ARSJ: variants seen among roughly 807,000 people sequenced by gnomAD.
The protein encoded by ARSJ is arylsulfatase family member J.
ARSJ carries 26 observed loss-of-function variants against 35.9 expected under a neutral mutation model. The ratio of observed to expected loss-of-function variants is 0.72; its 90% CI spans 0.53 to 1.00. The LOEUF is 1.00. Among genes scored for constraint, ARSJ ranks in the 50% least tolerant of loss-of-function variants. The probability of loss-of-function intolerance (pLI) is 0.00; values close to 1 mark genes in which losing one functional copy is unlikely to be tolerated. For synonymous variants in ARSJ, 294 were observed against 267.6 expected (o/e 1.10, Z -0.96); for missense variants, 667 against 723.6 (o/e 0.92, Z 0.90).
chr4:113,918,046 GT>G (rs1723430046), intron 1 of ARSJ, among the ~76,000 whole-genome samples: 1 of 152,154 alleles, frequency 6.6e-6, no homozygotes, highest in Admixed American at 6.5e-5. Flanking sequence ...CAACCTATTG[GT>G]TATTGTCTGC....
intron 1 of ARSJ, among the ~76,000 whole-genome samples, chr4:113,966,138 T>G (rs1048020813): frequency 1.4e-4 from 22 of 152,028 alleles, no homozygotes; most frequent in Non-Finnish European, 2.8e-4. Context: ...TGAATTAATA[T>G]TAAAATACAG....
intron 1 of ARSJ, among the ~76,000 whole-genome samples, chr4:113,935,864 T>G (rs1724735415): frequency 6.6e-6 from 1 of 151,952 alleles, no homozygotes; most frequent in Non-Finnish European, 1.5e-5. Context: ...ATGTACAACT[T>G]CCATTAGGTA....
chr4:113,962,505 A>G (rs1258952457), intron 1 of ARSJ, among the ~76,000 whole-genome samples: 1 of 140,550 alleles, frequency 7.1e-6, no homozygotes, highest in Non-Finnish European at 1.5e-5. Context: ...TTTTTCTAAT[A>G]GTTGAATGAA....
intron 1 of ARSJ, among the ~76,000 whole-genome samples, chr4:113,922,948 T>C (rs1468784884): frequency 6.6e-6 from 1 of 152,188 alleles, no homozygotes; most frequent in Non-Finnish European, 1.5e-5. Flanking sequence ...ATCATTTAAG[T>C]CGGTTGACTT....
chr4:113,906,628 T>G, intron 1 of ARSJ: 1 of 366,240 alleles, frequency 2.7e-6, no homozygotes, highest in Non-Finnish European at 5.4e-6. Context: ...TAATTTGGGG[T>G]GTGGGTTAAG....
In ARSJ at chr4:113,901,420, T is replaced by G. The variant is rs1356868646; in HGVS notation, c.*854A>C. On this transcript the variant is annotated 3_prime_UTR_variant, in exon 2 of 2. Transcript: ENST00000315366. ...ACATTAATTTATAGTATTACAGTGC[T>G]TGGTAATTTGAAGAAATGAAATAAA... 2 of 152,308 alleles carry G rather than the reference T, an allele frequency of 1.3e-5. No individual in the cohort carries two copies. The highest frequency in any genetic ancestry group is 3.9e-4 in the East Asian group (2 of 5,194). The allele number at this position is 152,308 out of a possible 1,614,324, so 9.4% of individuals were successfully genotyped here.
intron 1 of ARSJ, among the ~76,000 whole-genome samples, chr4:113,927,756 C>T (rs1724165258): frequency 6.6e-6 from 1 of 152,206 alleles, no homozygotes; most frequent in Non-Finnish European, 1.5e-5. Flanking sequence ...CATCTGTCTT[C>T]TGCACAGGCC....
intron 1 of ARSJ, among the ~76,000 whole-genome samples, chr4:113,907,686 C>T (rs769775694): frequency 1.3e-5 from 2 of 152,034 alleles, no homozygotes; most frequent in Non-Finnish European, 2.9e-5. Context: ...TGGAATCAAC[C>T]TGAATCCCCA....
chr4:113,934,902 T>C (rs1724674114), intron 1 of ARSJ, among the ~76,000 whole-genome samples: 2 of 151,828 alleles, frequency 1.3e-5, no homozygotes, highest in African/African-American at 2.4e-5. Flanking sequence ...GGAATATGAA[T>C]TGACCCAAGA....
intron 1 of ARSJ, among the ~76,000 whole-genome samples, chr4:113,963,881 A>G (rs1726723131): frequency 6.6e-6 from 1 of 152,138 alleles, no homozygotes; most frequent in Non-Finnish European, 1.5e-5. Flanking sequence ...TGTAATTAAG[A>G]AATAATCACA....
At chr4:113,926,916 G>A (rs1235588546) in intron 1 of ARSJ, among the ~76,000 whole-genome samples, 2 of 152,070 alleles carry the variant, frequency 1.3e-5, no homozygotes, top group Admixed American at 1.3e-4. Context: ...TTCACTTATG[G>A]GAGCCTGCCA....
intron 1 of ARSJ, among the ~76,000 whole-genome samples, chr4:113,923,591 T>G (rs944558963): frequency 3.9e-5 from 6 of 152,152 alleles, no homozygotes; most frequent in African/African-American, 1.4e-4. Context: ...TCTTTTTAAA[T>G]TTTCTTAGTA....
At chr4:113,968,008 C>T in intron 1 of ARSJ, among the ~76,000 whole-genome samples, 1 of 152,174 alleles carries the variant, frequency 6.6e-6, no homozygotes, top group East Asian at 1.9e-4. Context: ...TATCAGCAAA[C>T]ATTCATTAAC....
intron 1 of ARSJ, among the ~76,000 whole-genome samples, chr4:113,914,879 G>A (rs1387373719): frequency 1.3e-5 from 2 of 152,160 alleles, no homozygotes; most frequent in African/African-American, 2.4e-5. Context: ...GCTGAGAAGA[G>A]AATATATTTG....
intron 1 of ARSJ, among the ~76,000 whole-genome samples, chr4:113,906,155 C>T (rs77296170): frequency 0.054 from 8,282 of 152,048 alleles, 687 homozygotes; most frequent in African/African-American, 0.18. Flanking sequence ...AACATCTATA[C>T]GGGTAAAAAT....
chr4:113,924,026 T>C (rs371294776), intron 1 of ARSJ, among the ~76,000 whole-genome samples: 104,947 of 130,876 alleles, frequency 0.8, 41,691 homozygotes, highest in Middle Eastern at 0.87. Context: ...AATCTACATA[T>C]ATATATATAA....
intron 1 of ARSJ, among the ~76,000 whole-genome samples, chr4:113,961,429 G>C (rs1325525024): frequency 2.0e-5 from 3 of 152,076 alleles, no homozygotes; most frequent in Non-Finnish European, 4.4e-5. Context: ...TGGACGTTTT[G>C]ATTTCAATAC....
rs1299212987 is a variant in ARSJ, at chr4:113,902,754, G to A, written c.1320C>T (p.Ile440=). ...KNGSWAAGYG[I]WNTAIQSAIR... ...TGGCTGACTGGATTGCAGTGTTCCA[G>A]ATCCCATAGCCTGCTGCCCAGGAGC... Residue 440 remains isoleucine, a synonymous_variant, in exon 2 of 2, where the codon ATC becomes ATT. Coordinates refer to ENST00000315366, the MANE Select transcript of ARSJ (RefSeq NM_024590.4). 6.2e-7 allele frequency: 1 copy of A among 1,614,106 alleles called. No homozygotes were observed. The highest frequency in any genetic ancestry group is 1.3e-5 in the African/African-American group (1 of 74,932).
chr4:113,961,756 G>C (rs576902469), intron 1 of ARSJ, among the ~76,000 whole-genome samples: 3 of 152,058 alleles, frequency 2.0e-5, no homozygotes, highest in African/African-American at 7.2e-5. Context: ...AATCTTGCCA[G>C]ATGTAAATCC....
Sources: allele counts gnomAD v4.1 joint callset (sites outside exome capture counted in the v4.1 genomes callset), GRCh38; gene constraint gnomAD v4.1.1; transcripts MANE v1.5; gene names NCBI Gene and HGNC (gene_info 2026-07-23, HGNC 2026-07-21).